CIT: variants seen among roughly 807,000 people sequenced by gnomAD.
The protein encoded by CIT is citron Rho-interacting kinase.
In CIT, 79 loss-of-function variants were observed where a neutral mutation model predicts 272.7. The observed-to-expected ratio is 0.29, with a 90% CI of 0.24 to 0.35. The LOEUF (loss-of-function observed/expected upper bound fraction) is 0.35. CIT is among the 10% of genes least tolerant of loss of function. The pLI, the probability that CIT is intolerant of heterozygous loss-of-function variation, is 1.00. For synonymous variants in CIT, 948 were observed against 995.6 expected, an observed-to-expected ratio of 0.95 and a Z score of 0.90; for missense variants, 1,909 against 2,618.3, an observed-to-expected ratio of 0.73 and a Z score of 5.91.
At chr12:119,872,265 A>G (rs1950702686) in intron 2 of CIT, among the ~76,000 whole-genome samples, 1 of 152,134 alleles carries the variant, frequency 6.6e-6, no homozygotes, top group Admixed American at 6.6e-5. Flanking sequence ...AAAGTTGGAA[A>G]ACCTGTGTCT....
intron 39 of CIT, among the ~76,000 whole-genome samples, chr12:119,709,529 T>C (rs188382787): frequency 2.3e-4 from 35 of 152,332 alleles, no homozygotes; most frequent in African/African-American, 7.5e-4. Context: ...CCAGTTCTTG[T>C]CCATAGTATG....
In CIT at chr12:119,728,815, A is replaced by T. The variant is rs1958274691; in HGVS notation, c.3487-209T>A. Among the ~76,000 whole-genome samples the T allele has an allele frequency of 1.3e-5, 2 of 152,220 alleles. No homozygotes were observed. Among genetic ancestry groups the T allele is most frequent in the African/African-American group, 4.8e-5 (2 of 41,466 alleles). On this transcript the variant is annotated intron_variant, in intron 27 of 47. Transcript: ENST00000392521. This position sits in a 1 kb window ranked among gnomAD's most constrained non-coding sequence, Gnocchi z 4.3. Reference sequence around the variant, plus strand: ...TGAGGATGGAAATTATTTCTAAGGGATGGCTCTTAAATATGGCTGTGACAA... The same window carrying T: ...TGAGGATGGAAATTATTTCTAAGGGTTGGCTCTTAAATATGGCTGTGACAA...
At chr12:119,811,679 A>G (rs1966848869) in intron 9 of CIT, among the ~76,000 whole-genome samples, 1 of 152,154 alleles carries the variant, frequency 6.6e-6, no homozygotes, top group Non-Finnish European at 1.5e-5. Flanking sequence ...TAATCAAGTT[A>G]TGTTTCCCCA....
chr12:119,874,852 A>G (rs1412055082), intron 2 of CIT, among the ~76,000 whole-genome samples: 1 of 149,842 alleles, frequency 6.7e-6, no homozygotes, highest in Admixed American at 6.7e-5. Context: ...GCGCCACTGC[A>G]CTCCAGCCTG....
intron 3 of CIT, among the ~76,000 whole-genome samples, chr12:119,867,639 T>C (rs1392484167): frequency 6.6e-6 from 1 of 152,192 alleles, no homozygotes; most frequent in Non-Finnish European, 1.5e-5. Context: ...GTAAGGTGTT[T>C]GGTGGCATCT....
At chr12:119,721,726 A>G (rs762093680) in intron 28 of CIT, among the ~76,000 whole-genome samples, 1 of 152,158 alleles carries the variant, frequency 6.6e-6, no homozygotes, top group Non-Finnish European at 1.5e-5. Flanking sequence ...CAGAGTTCCA[A>G]TTGAGGATAT....
chr12:119,712,214 A>C lies in CIT; in HGVS notation c.4818T>G (p.Gly1606=). Residue 1606 remains glycine, a synonymous_variant, in exon 37 of 48, where the codon GGT becomes GGG. Coordinates refer to ENST00000392521, the MANE Select transcript of CIT (RefSeq NM_001206999.2). This position sits in a 1 kb window ranked among gnomAD's most constrained non-coding sequence, Gnocchi z 5.2. ...WVTALESVVA[G]GRVSREKAEA... is the part of the protein sequence containing the mutation. ...CTGCTTTTTCCCTAGAAACTCTCCC[A>C]CCTGCGACAACTGATTCTAAGGCGG... 6.2e-7 allele frequency: 1 copy of C among 1,609,092 alleles called. No individual in the cohort carries two copies. Among genetic ancestry groups the C allele is most frequent in the South Asian group, 1.1e-5 (1 of 90,498 alleles).
intron 30 of CIT, among the ~76,000 whole-genome samples, chr12:119,719,997 C>G (rs1957744180): frequency 6.6e-6 from 1 of 152,152 alleles, no homozygotes. Flanking sequence ...GCAGGTCACC[C>G]CAGCTCCCTG....
chr12:119,845,178 G>C (rs1969708009), intron 5 of CIT, among the ~76,000 whole-genome samples: 1 of 152,058 alleles, frequency 6.6e-6, no homozygotes, highest in Admixed American at 6.6e-5. Flanking sequence ...CTTGCAAGAT[G>C]GCAGATGGAA....
intron 19 of CIT, among the ~76,000 whole-genome samples, chr12:119,764,955 C>T (rs905936391): frequency 2.6e-5 from 4 of 151,788 alleles, no homozygotes; most frequent in Admixed American, 6.6e-5. Flanking sequence ...TACAGGTGCA[C>T]GCCACCACGC....
At chr12:119,735,388 C>T in intron 24 of CIT, 31 bp from the exon 25 acceptor site, 1 of 1,598,534 alleles carries the variant, frequency 6.3e-7, no homozygotes. Context: ...AGTTACACGC[C>T]AAGCACATTC....
chr12:119,728,376 T>G lies in CIT; in HGVS notation c.3591+126A>C, dbSNP rs1958240640. The G allele has an allele frequency of 4.6e-6, 3 of 659,254 alleles. No homozygotes were observed. The highest frequency in any genetic ancestry group is 8.1e-6 in the Non-Finnish European group (3 of 369,178). 40.8% of individuals were successfully genotyped at this position (659,254 alleles called of 1,614,324 possible). ...CACTGTGGGAGGAGGAGACAGGGAG[T>G]ATGTGGGAACTCTCTGTGCTTTCTG... On this transcript the variant is annotated intron_variant, in intron 28 of 47. Transcript: ENST00000392521. This position sits in a 1 kb window ranked among gnomAD's most constrained non-coding sequence, Gnocchi z 4.3.
At chr12:119,740,247 C>T (rs531714038) in intron 24 of CIT, among the ~76,000 whole-genome samples, 4 of 152,314 alleles carry the variant, frequency 2.6e-5, no homozygotes, top group Admixed American at 1.3e-4. Context: ...ATTAGAGTTA[C>T]ATGAGAAAGT....
At chr12:119,824,818 CG>C (rs1337732874) in intron 8 of CIT, among the ~76,000 whole-genome samples, 2 of 152,046 alleles carry the variant, frequency 1.3e-5, no homozygotes, top group East Asian at 3.9e-4. Context: ...GTTTTTTAGA[CG>C]GAGTCTCACT....
rs200079971 is a variant in CIT at position 119,760,990 on chromosome 12, T to C, written c.2370A>G (p.Arg790=). ...DKETLENMMQ[R]HEEEAHEKGK... ...CCTTCTCATGGGCCTCCTCCTCGTG[T>C]CTCTGCATCATGTTCTCCAGTGTCT... Residue 790 remains arginine (R), a synonymous_variant, in exon 20 of 48, where the codon AGA becomes AGG. Coordinates refer to ENST00000392521, the MANE Select transcript of CIT (RefSeq NM_001206999.2). 10 of 1,614,224 alleles carry C rather than the reference T, an allele frequency of 6.2e-6. No individual in the cohort carries two copies.
In CIT at chr12:119,690,178, C is replaced by T. The variant is rs770293124; in HGVS notation, c.6159G>A (p.Val2053=). 1.3e-6 allele frequency: 2 copies of T among 1,486,432 alleles called. No individual in the cohort carries two copies. Among genetic ancestry groups the T allele is most frequent in the Non-Finnish European group, 1.8e-6 (2 of 1,127,222 alleles). The allele number at this position is 1,486,432 out of a possible 1,614,324, so 92.1% of individuals were successfully genotyped here. A position where few individuals can be genotyped will look rare whatever the true frequency, so the allele number is the denominator to read the frequency against. ...TGTTCACCTGGGACAGCGGGGTCCT[C>T]ACGGCTCCCGCAGGCAGCCGGCCCC... ...SSRGRLPAGA[V]RTPLSQVNKV... is the part of the protein sequence containing the mutation. The change falls in exon 47 of 48, where the codon GTG becomes GTA. Residue 2053 remains valine (V), a synonymous_variant. Coordinates refer to ENST00000392521, the MANE Select transcript of CIT (RefSeq NM_001206999.2). The surrounding 1 kb of genome is among the most constrained non-coding windows in gnomAD (Gnocchi z 6.0).
chr12:119,827,457 G>A (rs976750030), intron 7 of CIT, among the ~76,000 whole-genome samples: 8 of 140,432 alleles, frequency 5.7e-5, no homozygotes, highest in African/African-American at 1.6e-4. Context: ...TTTTTTTTCC[G>A]AGATGGAGTC....
At chr12:119,734,068 G>T in intron 26 of CIT, 96 bp downstream of exon 26, 2 of 1,318,208 alleles carry the variant, frequency 1.5e-6, no homozygotes, top group Non-Finnish European at 2.1e-6. Context: ...AAACTTCTCA[G>T]TCTCGGCGGG....
intron 16 of CIT, 122 bp downstream of exon 16, chr12:119,775,664 A>AT: frequency 1.4e-6 from 1 of 708,674 alleles, no homozygotes; most frequent in Non-Finnish European, 2.4e-6. Context: ...CTCCCCCTTC[A>AT]TTTTCCTCAG....
Sources: gnomAD v4.1 joint callset for allele counts (sites outside exome capture counted in the v4.1 genomes callset) on GRCh38, gnomAD v4.1.1 for gene constraint, Gnocchi (gnomAD v3.1) non-coding constraint, MANE v1.5 for transcripts, NCBI Gene and HGNC (gene_info 2026-07-23, HGNC 2026-07-21) for gene names.